TTC29: variants seen among roughly 807,000 people sequenced by gnomAD.
TTC29 encodes tetratricopeptide repeat protein 29.
In TTC29, 49 loss-of-function variants were observed where a neutral mutation model predicts 58.1. The observed-to-expected ratio is 0.84, with a 90% CI of 0.67 to 1.07. The LOEUF is 1.07. Among genes scored for constraint, TTC29 ranks in the 50% least tolerant of loss-of-function variants. TTC29 has a pLI of 0.00. For missense variants in TTC29, 582 were observed against 555.6 expected, an observed-to-expected ratio of 1.05 and a Z score of -0.48; for synonymous variants, 209 against 196.8, an observed-to-expected ratio of 1.06 and a Z score of -0.52.
At chr4:146,707,416 A>G in intron 12 of TTC29, 69 bp downstream of exon 12, 1 of 1,124,566 alleles carries the variant, frequency 8.9e-7, no homozygotes, top group Non-Finnish European at 1.3e-6. Context: ...TGTTTGGAGA[A>G]TGAGATTATG....
rs545235414 is a variant in TTC29, at chr4:146,721,852, TATA to T, written c.1331-14304_1331-14302del. On this transcript the variant is annotated intron_variant, in intron 11 of 12. Coordinates refer to ENST00000325106, the MANE Select transcript of TTC29 (RefSeq NM_031956.4). Reference sequence around the variant, plus strand: ...AAAGAAGTAGAAAGTATCCAAATAGTATAATAAGTCATAAAACGATCTCTCTTT... The same window carrying T: ...AAAGAAGTAGAAAGTATCCAAATAGTATAAGTCATAAAACGATCTCTCTTT... Among the ~76,000 whole-genome samples, 396 of 152,180 alleles carry T rather than the reference TATA, an allele frequency of 2.6e-3. 3 individuals are homozygous for T. The highest frequency in any genetic ancestry group is 4.3e-3 in the Non-Finnish European group (295 of 67,976).
At chr4:146,935,492 T>C (rs1173112655) in intron 4 of TTC29, among the ~76,000 whole-genome samples, 2 of 152,210 alleles carry the variant, frequency 1.3e-5, no homozygotes, top group African/African-American at 2.4e-5. Context: ...TGAAGATCTA[T>C]GACTACCAGT....
At chr4:146,786,466 A>G (rs1396131754) in intron 11 of TTC29, among the ~76,000 whole-genome samples, 2 of 152,180 alleles carry the variant, frequency 1.3e-5, no homozygotes, top group Admixed American at 1.3e-4. Flanking sequence ...TCATAGCACC[A>G]TGCTCTTCCC....
At chr4:146,867,914 A>G (rs1229330592) in intron 7 of TTC29, among the ~76,000 whole-genome samples, 1 of 152,040 alleles carries the variant, frequency 6.6e-6, no homozygotes, top group Non-Finnish European at 1.5e-5. Flanking sequence ...TATCATTTTG[A>G]CATTCATGTA....
At chr4:146,846,863 T>C (rs772996269) in intron 8 of TTC29, among the ~76,000 whole-genome samples, 15 of 152,198 alleles carry the variant, frequency 9.9e-5, no homozygotes, top group Non-Finnish European at 1.6e-4. Context: ...CAGAAATCCA[T>C]GAAAGCCTTG....
intron 11 of TTC29, among the ~76,000 whole-genome samples, chr4:146,715,459 C>A (rs1742859819): frequency 1.3e-5 from 2 of 152,084 alleles, no homozygotes; most frequent in Non-Finnish European, 2.9e-5. Flanking sequence ...TGTCATTTGC[C>A]ACCACAGAAA....
chr4:146,907,873 T>C (rs1733632820), intron 5 of TTC29, among the ~76,000 whole-genome samples: 1 of 152,172 alleles, frequency 6.6e-6, no homozygotes, highest in South Asian at 2.1e-4. Flanking sequence ...GTAAATAATA[T>C]TTTAAAGTTC....
chr4:146,805,761 T>C (rs572023306), intron 10 of TTC29, among the ~76,000 whole-genome samples: 73 of 152,180 alleles, frequency 4.8e-4, no homozygotes, highest in African/African-American at 1.7e-3. Context: ...CTACATTTGA[T>C]TGGTGTACCT....
intron 6 of TTC29, among the ~76,000 whole-genome samples, chr4:146,901,835 T>C (rs1733168339): frequency 6.6e-6 from 1 of 152,210 alleles, no homozygotes. Context: ...TATATAGCTA[T>C]TGATTGTTAA....
intron 10 of TTC29, among the ~76,000 whole-genome samples, chr4:146,818,932 T>A (rs916803033): frequency 1.6e-4 from 24 of 150,808 alleles, no homozygotes; most frequent in African/African-American, 5.6e-4. Flanking sequence ...TGGGGACTGT[T>A]GTGGGGTGGG....
intron 8 of TTC29, among the ~76,000 whole-genome samples, chr4:146,840,183 T>TC (rs898919433): frequency 1.3e-5 from 2 of 150,792 alleles, no homozygotes; most frequent in Non-Finnish European, 3.0e-5. Flanking sequence ...TTTTTTTTTT[T>TC]GGTCTACTGT....
At chr4:146,885,792 C>G (rs776807856) in intron 6 of TTC29, among the ~76,000 whole-genome samples, 8 of 152,044 alleles carry the variant, frequency 5.3e-5, no homozygotes, top group Non-Finnish European at 1.2e-4. Flanking sequence ...TTTCCAAAAC[C>G]ATTTAAATGA....
intron 11 of TTC29, among the ~76,000 whole-genome samples, chr4:146,753,690 G>A (rs1746202081): frequency 6.6e-6 from 1 of 152,172 alleles, no homozygotes; most frequent in Non-Finnish European, 1.5e-5. Flanking sequence ...TTAAGAAAAT[G>A]TGGCACATAT....
intron 10 of TTC29, among the ~76,000 whole-genome samples, chr4:146,815,625 G>C (rs1232974615): frequency 6.6e-6 from 1 of 152,130 alleles, no homozygotes; most frequent in Non-Finnish European, 1.5e-5. Flanking sequence ...AAAAAGAGAA[G>C]ATTGCCTGGA....
intron 11 of TTC29, among the ~76,000 whole-genome samples, chr4:146,789,280 GAA>G (rs1478525552): frequency 9.9e-5 from 15 of 152,076 alleles, no homozygotes; most frequent in Non-Finnish European, 2.1e-4. Context: ...TTAAAATACT[GAA>G]AAATTCAAGA....
At chr4:146,870,705 G>A (rs1045032269) in intron 7 of TTC29, among the ~76,000 whole-genome samples, 2 of 151,900 alleles carry the variant, frequency 1.3e-5, no homozygotes, top group East Asian at 1.9e-4. Context: ...AGAGAATTTT[G>A]TGGACAATTA....
At chr4:146,747,838 C>T (rs186768983) in intron 11 of TTC29, among the ~76,000 whole-genome samples, 1 of 152,312 alleles carries the variant, frequency 6.6e-6, no homozygotes, top group African/African-American at 2.4e-5. Context: ...GGTGCCACTC[C>T]AGTCATCAGG....
chr4:146,867,855 T>C (rs1464849161), intron 7 of TTC29, among the ~76,000 whole-genome samples: 17 of 152,088 alleles, frequency 1.1e-4, no homozygotes, highest in Admixed American at 1.1e-3. Context: ...TATAACTTGC[T>C]TATATTTAGT....
chr4:146,774,459 C>T (rs1747948531), intron 11 of TTC29, among the ~76,000 whole-genome samples: 1 of 152,134 alleles, frequency 6.6e-6, no homozygotes, highest in African/African-American at 2.4e-5. Flanking sequence ...GTCTTGATTT[C>T]TGCCTTAATT....
Sources: gnomAD v4.1 joint callset for allele counts (sites outside exome capture counted in the v4.1 genomes callset) on GRCh38, gnomAD v4.1.1 for gene constraint, MANE v1.5 for transcripts, NCBI Gene and HGNC (gene_info 2026-07-23, HGNC 2026-07-21) for gene names.